Variants in SLC66A1 observed in about 807,000 individuals in gnomAD.
The protein encoded by SLC66A1 is solute carrier family 66 member 1.
SLC66A1 carries 23 observed loss-of-function variants against 33.0 expected under a neutral mutation model. The ratio of observed to expected loss-of-function variants is 0.70; its 90% CI spans 0.50 to 0.99. The LOEUF (loss-of-function observed/expected upper bound fraction) is 0.99, where lower values mean the gene tolerates loss of function less well. Among genes scored for constraint, SLC66A1 ranks in the 50% least tolerant of loss-of-function variants. The pLI is 0.00. For missense variants in SLC66A1, 335 were observed against 383.6 expected (o/e 0.87, Z 1.06); for synonymous variants, 164 against 175.5 (o/e 0.93, Z 0.52).
chr1:19,330,894 G>C (rs796680233), downstream of SLC66A1, among the ~76,000 whole-genome samples: 1 of 152,364 alleles, frequency 6.6e-6, no homozygotes, highest in African/African-American at 2.4e-5. Flanking sequence ...GACACCCACG[G>C]AGCCCAGGAT....
rs769570988 is a variant in SLC66A1, at chr1:19,317,668, C to T, written c.-10C>T. 2.5e-6 allele frequency: 4 copies of T among 1,613,616 alleles called. No homozygotes were observed. The highest frequency in any genetic ancestry group is 1.7e-5 in the Admixed American group (1 of 60,002). ...AGCCCTGCCTGGCCGGGGGCCCCTC[C>T]TCCACAGCCATGGTCTGGAAGAAAC... On this transcript the variant is annotated 5_prime_UTR_variant, in exon 2 of 8. Transcript: ENST00000375153.
At chr1:19,327,559 CTGTTCA>C (rs760238071) in intron 7 of SLC66A1, 147 bp downstream of exon 7, 75 of 1,016,140 alleles carry the variant, frequency 7.4e-5, no homozygotes, top group Non-Finnish European at 9.5e-5. Context: ...CTCCCTCCAT[CTGTTCA>C]CCCAGTCGTG....
downstream of SLC66A1, among the ~76,000 whole-genome samples, chr1:19,330,946 C>T (rs917900798): frequency 6.6e-6 from 1 of 152,232 alleles, no homozygotes. Context: ...TTGCCATGTG[C>T]GGGCTGCGCC....
intron 1 of SLC66A1, among the ~76,000 whole-genome samples, chr1:19,315,890 C>T (rs1487595926): frequency 1.3e-5 from 2 of 152,204 alleles, no homozygotes. Flanking sequence ...GCTGGCACAT[C>T]ACTTCCGCAC....
intron 2 of SLC66A1, among the ~76,000 whole-genome samples, chr1:19,322,862 T>C (rs894200901): frequency 6.7e-6 from 1 of 150,024 alleles, no homozygotes; most frequent in African/African-American, 2.5e-5. Context: ...GGGGTTTTAG[T>C]TTTTTATTTG....
intron 1 of SLC66A1, among the ~76,000 whole-genome samples, chr1:19,314,534 ACT>A (rs2093795294): frequency 6.6e-6 from 1 of 152,034 alleles, no homozygotes; most frequent in South Asian, 2.1e-4. Flanking sequence ...GAGATGCTGG[ACT>A]CTCATCCTGA....
At chr1:19,315,552 G>A (rs2093800457) in intron 1 of SLC66A1, among the ~76,000 whole-genome samples, 1 of 152,226 alleles carries the variant, frequency 6.6e-6, no homozygotes, top group Non-Finnish European at 1.5e-5. Context: ...CGTGGGGCCA[G>A]CCAGGGACTA....
At chr1:19,326,670 G>T (rs765303011) in intron 6 of SLC66A1, 47 bp downstream of exon 6, 3 of 1,588,256 alleles carry the variant, frequency 1.9e-6, no homozygotes, top group Admixed American at 1.7e-5. Context: ...AGGAGAGCTG[G>T]CCTGGCCACC....
chr1:19,332,877 A>G (rs2093896425), downstream of SLC66A1, among the ~76,000 whole-genome samples: 1 of 152,200 alleles, frequency 6.6e-6, no homozygotes, highest in African/African-American at 2.4e-5. Flanking sequence ...GCCCTTGTCC[A>G]GGAAGGGCTG....
Position 19,316,930 on chromosome 1 carries a change from T to G in SLC66A1, c.-78-670T>G, listed in dbSNP as rs2093809195. ...TGTCACCTCTTTTTTTTTTTTTTTT[T>G]TTTTTTGAGATGGGGTCTTGTTATG... is the stretch of plus-strand genomic sequence containing the variant. On this transcript the variant is annotated intron_variant, in intron 1 of 7. Transcript: ENST00000375153. 2.1e-5 allele frequency among the ~76,000 whole-genome samples: 3 copies of G among 146,106 alleles called. No individual in the cohort carries two copies. The South Asian group carries it at 6.6e-4, about 32-fold the overall frequency.
At chr1:19,325,636 T>TGC (rs201929770) in intron 4 of SLC66A1, 54 bp downstream of exon 4, 1 of 374,856 alleles carries the variant, frequency 2.7e-6, no homozygotes, top group African/African-American at 2.6e-5. Flanking sequence ...AGGGGGCAGT[T>TGC]GTGGGGGGGG....
intron 2 of SLC66A1, among the ~76,000 whole-genome samples, chr1:19,321,538 T>C (rs1215150515): frequency 1.3e-5 from 2 of 149,030 alleles, no homozygotes; most frequent in African/African-American, 5.1e-5. Context: ...ATCCATTTTG[T>C]AAATGATGTG....
At chr1:19,327,155 A>G in intron 6 of SLC66A1, 72 bp from the exon 7 acceptor site, 2 of 1,414,594 alleles carry the variant, frequency 1.4e-6, no homozygotes, top group Non-Finnish European at 9.9e-7. Context: ...GCAGGTGGAC[A>G]TGTGGACAGT....
chr1:19,332,705 G>A (rs1166761703), downstream of SLC66A1, among the ~76,000 whole-genome samples: 1 of 152,220 alleles, frequency 6.6e-6, no homozygotes, highest in Non-Finnish European at 1.5e-5. Context: ...ATGTTACCAA[G>A]TTAAACGCCT....
Position 19,328,174 on chromosome 1 carries a change from T to G in SLC66A1, c.805-398T>G. On this transcript the variant is annotated intron_variant, in intron 7 of 7. Transcript: ENST00000375153. The surrounding 1 kb of genome is among the most constrained non-coding windows in gnomAD (Gnocchi z 4.7). ...CGGAGCAAGTAAACATGGCCTTTGTTTTAATATTTGTTAAGTCCCTGCCGG... is the reference window on the plus strand; with the variant it reads ...CGGAGCAAGTAAACATGGCCTTTGTGTTAATATTTGTTAAGTCCCTGCCGG... 4.8e-6 allele frequency: 1 copy of G among 207,658 alleles called. No individual in the cohort carries two copies. Among genetic ancestry groups the G allele is most frequent in the South Asian group, 4.5e-5 (1 of 22,244 alleles). 12.9% of individuals were successfully genotyped at this position (207,658 alleles called of 1,614,324 possible). A position where few individuals can be genotyped will look rare whatever the true frequency, so the allele number is the denominator to read the frequency against.
intron 7 of SLC66A1, chr1:19,327,720 C>A: frequency 1.8e-6 from 1 of 547,270 alleles, no homozygotes; most frequent in South Asian, 1.6e-5. Flanking sequence ...ATTGCAGTGG[C>A]ACCAAGTGCT....
At chr1:19,329,676 G>T (rs1233144879), downstream of SLC66A1, among the ~76,000 whole-genome samples, 1 of 152,232 alleles carries the variant, frequency 6.6e-6, no homozygotes, top group East Asian at 1.9e-4. Context: ...TCCTTTCAAG[G>T]ATTACATAAG....
Position 19,328,817 on chromosome 1 carries a change from C to T in SLC66A1, c.*174C>T, listed in dbSNP as rs766576183. On this transcript the variant is annotated 3_prime_UTR_variant, in exon 8 of 8. Transcript: ENST00000375153. The surrounding 1 kb of genome is among the most constrained non-coding windows in gnomAD (Gnocchi z 4.7). The stretch of plus-strand genomic sequence containing the variant: ...CACCTTCAGGTAGACCCCGAAGCCT[C>T]AAGGCCGGGGCTGGAGCGGAGACCC... The T allele has an allele frequency of 7.1e-5, 50 of 702,458 alleles. No individual in the cohort carries two copies. In the Middle Eastern group the frequency reaches 1.6e-3, roughly 22 times the overall value. The allele number at this position is 702,458 out of a possible 1,614,324, so 43.5% of individuals were successfully genotyped here. A position where few individuals can be genotyped will look rare whatever the true frequency, so the allele number is the denominator to read the frequency against.
At chr1:19,320,614 A>T (rs576285623) in intron 2 of SLC66A1, among the ~76,000 whole-genome samples, 2 of 151,394 alleles carry the variant, frequency 1.3e-5, no homozygotes, top group Non-Finnish European at 2.9e-5. Flanking sequence ...ACGGGGTTTC[A>T]CCGTGTTAGC....
Sources: gnomAD v4.1 joint callset for allele counts (sites outside exome capture counted in the v4.1 genomes callset) on GRCh38, gnomAD v4.1.1 for gene constraint, Gnocchi (gnomAD v3.1) non-coding constraint, MANE v1.5 for transcripts, NCBI Gene and HGNC (gene_info 2026-07-23, HGNC 2026-07-21) for gene names.